Variants in ANKRD26 observed in about 807,000 individuals in gnomAD.
ANKRD26 encodes ankyrin repeat domain 26.
A neutral mutation model predicts 208.7 loss-of-function variants in ANKRD26; 141 were observed. The ratio of observed to expected loss-of-function variants is 0.68; its 90% CI spans 0.59 to 0.78. The LOEUF (loss-of-function observed/expected upper bound fraction) is 0.78. ANKRD26 is among the 30% of genes least tolerant of loss of function. The pLI, the probability that ANKRD26 is intolerant of heterozygous loss-of-function variation, is 0.00. For missense variants in ANKRD26, 1,889 were observed against 1,938.7 expected (o/e 0.97, Z 0.48); for synonymous variants, 636 against 660.4 (o/e 0.96, Z 0.57).
rs541780606 is a variant in ANKRD26 at position 27,099,092 on chromosome 10, G to A, written c.242+993C>T. Among the ~76,000 whole-genome samples, 88 of 152,206 alleles carry A rather than the reference G, an allele frequency of 5.8e-4. 1 individual carries two copies. Among genetic ancestry groups the A allele is most frequent in the African/African-American group, 2.0e-3 (82 of 41,540 alleles). On this transcript the variant is annotated intron_variant, in intron 1 of 33. Coordinates refer to ENST00000376087, the MANE Select transcript of ANKRD26 (RefSeq NM_014915.3). ...TGCAACCTCTGCCTCCCAGGTTCAA[G>A]CGATTCTCCTGCCTCAGTCTTCGGA...
chr10:27,059,318 C>T (rs1023836369), intron 15 of ANKRD26, among the ~76,000 whole-genome samples: 1 of 152,030 alleles, frequency 6.6e-6, no homozygotes, highest in Non-Finnish European at 1.5e-5. Flanking sequence ...CTACTTGTGT[C>T]GATACGGGTA....
At chr10:27,071,153 A>G (rs2055472976) in intron 9 of ANKRD26, among the ~76,000 whole-genome samples, 1 of 148,016 alleles carries the variant, frequency 6.8e-6, no homozygotes, top group South Asian at 2.1e-4. Context: ...AACAATTGCT[A>G]CATTCATTTT....
At chr10:26,982,143 T>A (rs1199459007) in intron 4 of ANKRD26, among the ~76,000 whole-genome samples, 1 of 152,172 alleles carries the variant, frequency 6.6e-6, no homozygotes, top group African/African-American at 2.4e-5. Context: ...TGACTTTGAT[T>A]TCTGTCCTCT....
chr10:26,961,460 G>C, the ANKRD26 span, among the ~76,000 whole-genome samples: 1 of 152,174 alleles, frequency 6.6e-6, no homozygotes, highest in African/African-American at 2.4e-5. Flanking sequence ...AGGACTCGCT[G>C]GGCTTGAATC....
chr10:27,069,105 G>C (rs1008228995), intron 9 of ANKRD26, among the ~76,000 whole-genome samples: 1 of 145,186 alleles, frequency 6.9e-6, no homozygotes, highest in Non-Finnish European at 1.5e-5. Context: ...TGATGCAGGA[G>C]AATTGCTTAA....
Position 27,044,184 on chromosome 10 carries a change from A to G in ANKRD26, c.1992T>C (p.Thr664=). 2 of 1,426,616 alleles carry G rather than the reference A, an allele frequency of 1.4e-6. No individual in the cohort carries two copies. Among genetic ancestry groups the G allele is most frequent in the Non-Finnish European group, 1.9e-6 (2 of 1,046,138 alleles). The allele number at this position is 1,426,616 out of a possible 1,614,324, so 88.4% of individuals were successfully genotyped here. Residue 664 remains threonine (T), a synonymous_variant, in exon 19 of 34, where the codon ACT becomes ACC. Coordinates refer to ENST00000376087, the MANE Select transcript of ANKRD26 (RefSeq NM_014915.3). ...SEIDEDEGRP[T]KKTSNEKNKV... is the part of the protein sequence containing the mutation. ...TGTTCTTTTCATTAGATGTTTTCTT[A>G]GTAGGCCTAAAAAAAAAAAATACCT...
chr10:26,955,062 T>C, the ANKRD26 span, among the ~76,000 whole-genome samples: 57 of 151,768 alleles, frequency 3.8e-4, no homozygotes, highest in Non-Finnish European at 5.3e-4. Flanking sequence ...GTGTGCCTGA[T>C]GGATTTTGGT....
At chr10:27,043,351 G>A in intron 20 of ANKRD26, 75 bp downstream of exon 20, 1 of 1,522,078 alleles carries the variant, frequency 6.6e-7, no homozygotes, top group Non-Finnish European at 9.1e-7. Context: ...TATGCTAAAT[G>A]TACATACATT....
Position 27,018,141 on chromosome 10 carries a change from A to ATTTTTTTT in ANKRD26, c.4216-357_4216-350dup, listed in dbSNP as rs11346457. Among the ~76,000 whole-genome samples the ATTTTTTTT allele has an allele frequency of 1.8e-4, 23 of 131,160 alleles. 1 individual carries two copies. The highest frequency in any genetic ancestry group is 6.9e-4 in the East Asian group (3 of 4,376). 86.0% of individuals were successfully genotyped at this position (131,160 alleles called of 152,430 possible). On this transcript the variant is annotated intron_variant, in intron 29 of 33. Coordinates refer to ENST00000376087, the MANE Select transcript of ANKRD26 (RefSeq NM_014915.3). Reference sequence around the variant, plus strand: ...ACTTCCCCCATAAACATGCCCTATAATTTTTTTTTTTTTTTTTTAGTCTTG... The same window carrying ATTTTTTTT: ...ACTTCCCCCATAAACATGCCCTATAATTTTTTTTTTTTTTTTTTTTTTTTTTAGTCTTG...
intron 24 of ANKRD26, among the ~76,000 whole-genome samples, chr10:27,034,167 C>A (rs2053969826): frequency 6.6e-6 from 1 of 151,976 alleles, no homozygotes; most frequent in African/African-American, 2.4e-5. Context: ...TCACATTTGT[C>A]CCAAATTATG....
chr10:27,015,707 G>T (rs2053266810), intron 30 of ANKRD26, among the ~76,000 whole-genome samples: 1 of 152,016 alleles, frequency 6.6e-6, no homozygotes, highest in African/African-American at 2.4e-5. Context: ...TCTCACAACG[G>T]CTACATATTT....
At chr10:27,025,257 A>C (rs2053622790) in intron 27 of ANKRD26, among the ~76,000 whole-genome samples, 1 of 152,094 alleles carries the variant, frequency 6.6e-6, no homozygotes, top group Non-Finnish European at 1.5e-5. Flanking sequence ...TGCAGCCTTG[A>C]ACTCCAGGGC....
the ANKRD26 span, among the ~76,000 whole-genome samples, chr10:26,957,083 G>A: frequency 6.6e-6 from 1 of 152,172 alleles, no homozygotes; most frequent in Admixed American, 6.5e-5. Context: ...AGAGATTTTG[G>A]CAAAATGAAG....
At position 27,006,635 on chromosome 10, in the gene ANKRD26, G is replaced by A. The variant is rs116042228; in HGVS notation, c.4999+282C>T. Reference sequence around the variant, plus strand: ...ATGCTGGCTACAGTTCTATGGGGATGGCAGAAGTGAAGAAAGTGTAGAGCC... The same window carrying A: ...ATGCTGGCTACAGTTCTATGGGGATAGCAGAAGTGAAGAAAGTGTAGAGCC... On this transcript the variant is annotated intron_variant, in intron 33 of 33. Transcript: ENST00000376087. Among the ~76,000 whole-genome samples the A allele has an allele frequency of 0.01, 1,598 of 152,198 alleles. 31 individuals are homozygous for A. The highest frequency in any genetic ancestry group is 0.037 in the African/African-American group (1,530 of 41,516).
chr10:27,077,150 C>G (rs2055728249), intron 9 of ANKRD26, 188 bp downstream of exon 9: 1 of 607,866 alleles, frequency 1.6e-6, no homozygotes, highest in East Asian at 2.8e-5. Context: ...TAATAATTCA[C>G]CATGATCAAG....
chr10:27,029,699 T>C (rs986483583), intron 25 of ANKRD26, among the ~76,000 whole-genome samples: 4 of 152,212 alleles, frequency 2.6e-5, no homozygotes, highest in African/African-American at 9.7e-5. Flanking sequence ...GAAATTACCT[T>C]ACGATAAGCA....
At chr10:27,006,849 C>T (rs533513563) in intron 33 of ANKRD26, 68 bp downstream of exon 33, 76 of 1,295,312 alleles carry the variant, frequency 5.9e-5, no homozygotes, top group Non-Finnish European at 7.5e-5. Flanking sequence ...ATCCCACTCA[C>T]GATTTACAAT....
At chr10:27,052,920 T>G (rs550889346) in intron 16 of ANKRD26, among the ~76,000 whole-genome samples, 1 of 152,174 alleles carries the variant, frequency 6.6e-6, no homozygotes, top group African/African-American at 2.4e-5. Flanking sequence ...TGGGAATGAT[T>G]ACTCCTTTAA....
At chr10:26,984,399 G>A (rs2052353658) in intron 3 of ANKRD26, among the ~76,000 whole-genome samples, 1 of 152,180 alleles carries the variant, frequency 6.6e-6, no homozygotes, top group East Asian at 1.9e-4. Flanking sequence ...AGGAGGATGT[G>A]CCTTTTTAAG....
Sources: gnomAD v4.1 joint callset for allele counts (sites outside exome capture counted in the v4.1 genomes callset) on GRCh38, gnomAD v4.1.1 for gene constraint, MANE v1.5 for transcripts, NCBI Gene and HGNC (gene_info 2026-07-23, HGNC 2026-07-21) for gene names.